ZNFX1: variants seen among roughly 807,000 people sequenced by gnomAD.
The protein encoded by ZNFX1 is zinc finger NFX1-type containing 1, also known as NFX1-type zinc finger-containing protein 1.
In ZNFX1, 78 loss-of-function variants were observed where a neutral mutation model predicts 179.8. The ratio of observed to expected loss-of-function variants is 0.43; its 90% CI spans 0.36 to 0.52. The LOEUF is 0.52. Among genes scored for constraint, ZNFX1 ranks in the 20% least tolerant of loss-of-function variants. The pLI, the probability that ZNFX1 is intolerant of heterozygous loss-of-function variation, is 0.00. For missense variants in ZNFX1, 1,927 were observed against 2,386.6 expected (o/e 0.81, Z 4.01); for synonymous variants, 848 against 868.5 (o/e 0.98, Z 0.42).
intron 6 of ZNFX1, among the ~76,000 whole-genome samples, chr20:49,262,934 A>G (rs1346792251): frequency 6.6e-6 from 1 of 152,230 alleles, no homozygotes; most frequent in Non-Finnish European, 1.5e-5. Flanking sequence ...TACTAAATTA[A>G]TAAGTTTACA....
intron 2 of ZNFX1, 80 bp downstream of exon 2, chr20:49,275,699 G>T: frequency 7.5e-7 from 1 of 1,326,074 alleles, no homozygotes; most frequent in Non-Finnish European, 1.1e-6. Flanking sequence ...TCTTAGGTAG[G>T]CCTGCTCATT....
At chr20:49,260,693 G>A (rs1006620775) in intron 6 of ZNFX1, 116 bp from the exon 7 acceptor site, 6 of 700,788 alleles carry the variant, frequency 8.6e-6, no homozygotes, top group Non-Finnish European at 9.1e-6. Context: ...TGTAATCCCA[G>A]CAATTTGGAA....
chr20:49,265,804 A>G (rs1295912165), intron 4 of ZNFX1, among the ~76,000 whole-genome samples: 2 of 152,216 alleles, frequency 1.3e-5, no homozygotes, highest in Admixed American at 6.5e-5. Context: ...GGACCAGAAG[A>G]ATGAGTAGGG....
At position 49,270,789 on chromosome 20, in the gene ZNFX1, G is replaced by C; in HGVS notation, c.1023C>G (p.Thr341=). Residue 341 remains threonine (T), a synonymous_variant, in exon 3 of 14, where the codon ACC becomes ACG. Coordinates refer to ENST00000396105, the MANE Select transcript of ZNFX1 (RefSeq NM_021035.3). The surrounding 1 kb of genome is among the most constrained non-coding windows in gnomAD (Gnocchi z 4.6). ...TCTCATCCAAGTGCACTTCATTGTA[G>C]GTAGGGTAAATGGGCATGGTTCGGT... ...ESYRTMPIYP[T]YNEVHLDERP... is the part of the protein sequence containing the mutation. 11 of 1,614,178 alleles carry C rather than the reference G, an allele frequency of 6.8e-6. No homozygotes were observed. The highest frequency in any genetic ancestry group is 9.3e-6 in the Non-Finnish European group (11 of 1,180,040).
In ZNFX1 at chr20:49,247,398, T is replaced by C; in HGVS notation, c.5626A>G (p.Ile1876Val). 6.2e-7 allele frequency: 1 copy of C among 1,614,180 alleles called. No homozygotes were observed. Among genetic ancestry groups the C allele is most frequent in the East Asian group, 2.2e-5 (1 of 44,870 alleles). Residue 1876 changes from isoleucine (I) to valine (V), a missense_variant, in exon 14 of 14, where the codon ATT becomes GTT. By Grantham distance (29) the Ile-to-Val change is conservative (BLOSUM62 3). Transcript: ENST00000396105. ...RGTCPDCKEVIGGTNHTLERS... is the reference protein window; with the variant it reads ...RGTCPDCKEVVGGTNHTLERS... Reference sequence around the variant, plus strand: ...TCCAGAGTATGATTTGTGCCACCAATCACTTCCTTACAGTCAGGACACGTG... The same window carrying C: ...TCCAGAGTATGATTTGTGCCACCAACCACTTCCTTACAGTCAGGACACGTG...
chr20:49,275,460 C>T (rs1008261362), intron 2 of ZNFX1, among the ~76,000 whole-genome samples: 1 of 152,164 alleles, frequency 6.6e-6, no homozygotes, highest in African/African-American at 2.4e-5. Flanking sequence ...GATCCTCCCA[C>T]TTCAGCCTCC....
rs749509621 is a variant in ZNFX1, at chr20:49,248,557, G to T, written c.4467C>A (p.Thr1489=). Residue 1489 remains threonine (T), a synonymous_variant, in exon 14 of 14, where the codon ACC becomes ACA. Coordinates refer to ENST00000396105, the MANE Select transcript of ZNFX1 (RefSeq NM_021035.3). The surrounding 1 kb of genome is among the most constrained non-coding windows in gnomAD (Gnocchi z 4.6). ...GGCTGTGGACACAGCGGTTCTGACA[G>T]GTCCGCTGGCAGGGTGGGCACTCAC... ...CIGECPPCQR[T]CQNRCVHSQC... 1 of 1,614,220 alleles carries T rather than the reference G, an allele frequency of 6.2e-7. No individual in the cohort carries two copies. Among genetic ancestry groups the T allele is most frequent in the African/African-American group, 1.3e-5 (1 of 75,056 alleles).
rs770443861 is a variant in ZNFX1 at position 49,270,911 on chromosome 20, T to C, written c.901A>G (p.Ile301Val). The C allele has an allele frequency of 3.4e-5, 55 of 1,614,058 alleles. No homozygotes were observed. The highest frequency in any genetic ancestry group is 5.3e-5 in the African/African-American group (4 of 74,926). The change falls in exon 3 of 14, where the codon ATC becomes GTC. Residue 301 changes from isoleucine to valine, a missense_variant. Coordinates refer to ENST00000396105, the MANE Select transcript of ZNFX1 (RefSeq NM_021035.3). This position sits in a 1 kb window ranked among gnomAD's most constrained non-coding sequence, Gnocchi z 4.6. ...TEKNLEKVQTIIEHLQEKRRE... is the reference protein window; with the variant it reads ...TEKNLEKVQTVIEHLQEKRRE... ...CTCTTTTCCTGCAGATGTTCAATGA[T>C]AGTCTGTACCTTTTCCAGGTTCTTC...
At chr20:49,275,562 G>T (rs1981535948) in intron 2 of ZNFX1, among the ~76,000 whole-genome samples, 2 of 152,008 alleles carry the variant, frequency 1.3e-5, no homozygotes, top group Admixed American at 6.6e-5. Flanking sequence ...TTGCCATGTT[G>T]CCCAGGCTGG....
At chr20:49,254,442 G>A (rs1449573679) in intron 10 of ZNFX1, 53 bp downstream of exon 10, 8 of 1,597,818 alleles carry the variant, frequency 5.0e-6, no homozygotes, top group African/African-American at 1.3e-5. Flanking sequence ...TAGATAATCT[G>A]GCACCAGAAG....
intron 7 of ZNFX1, among the ~76,000 whole-genome samples, chr20:49,258,879 A>G (rs1348946189): frequency 2.0e-5 from 3 of 151,172 alleles, no homozygotes; most frequent in Non-Finnish European, 3.0e-5. Flanking sequence ...CGAGGTGGGC[A>G]GATCACCTGA....
At chr20:49,264,600 C>T (rs1001026826) in intron 5 of ZNFX1, 116 bp downstream of exon 5, 2 of 1,295,038 alleles carry the variant, frequency 1.5e-6, no homozygotes, top group South Asian at 2.9e-5. Context: ...GAACCTGGGT[C>T]CTCCAGAGCT....
intron 3 of ZNFX1, among the ~76,000 whole-genome samples, chr20:49,267,402 G>A (rs1330396100): frequency 2.0e-5 from 3 of 151,458 alleles, no homozygotes; most frequent in African/African-American, 7.3e-5. Flanking sequence ...TGTTTTCAAG[G>A]GATCCTCCCA....
At chr20:49,264,404 A>AT (rs1205911485) in intron 5 of ZNFX1, among the ~76,000 whole-genome samples, 17 of 152,218 alleles carry the variant, frequency 1.1e-4, no homozygotes, top group African/African-American at 3.9e-4. Context: ...GACTGGGCAC[A>AT]TTGCTGCCCA....
At chr20:49,262,325 G>T (rs1213753436) in intron 6 of ZNFX1, among the ~76,000 whole-genome samples, 1 of 150,268 alleles carries the variant, frequency 6.7e-6, no homozygotes, top group East Asian at 2.0e-4. Context: ...AGAATCGCTT[G>T]AACCCGGGAG....
At position 49,248,022 on chromosome 20, in the gene ZNFX1, G is replaced by A. The variant is rs746010819; in HGVS notation, c.5002C>T (p.Leu1668=). Residue 1668 remains leucine, a synonymous_variant, in exon 14 of 14, where the codon CTG becomes TTG. Coordinates refer to ENST00000396105, the MANE Select transcript of ZNFX1 (RefSeq NM_021035.3). This position sits in a 1 kb window ranked among gnomAD's most constrained non-coding sequence, Gnocchi z 4.6. ...TGGTGGAGGAGGCTCTTCCTCTCCA[G>A]CAGGGCCTTAAGCCGTTCCTGGCTG... ...ATSQERLKAL[L]ERKSLLHQLL... is the part of the protein sequence containing the mutation. The A allele has an allele frequency of 9.3e-6, 15 of 1,614,062 alleles. No individual in the cohort carries two copies. Among genetic ancestry groups the A allele is most frequent in the Non-Finnish European group, 5.9e-6 (7 of 1,180,048 alleles).
At chr20:49,273,158 A>G (rs541687790) in intron 2 of ZNFX1, among the ~76,000 whole-genome samples, 1 of 152,116 alleles carries the variant, frequency 6.6e-6, no homozygotes, top group South Asian at 2.1e-4. Flanking sequence ...TTTGAGAGGG[A>G]GTCTGGCTCT....
intron 5 of ZNFX1, among the ~76,000 whole-genome samples, chr20:49,264,034 C>T (rs1239855313): frequency 2.6e-5 from 4 of 152,288 alleles, no homozygotes; most frequent in African/African-American, 9.6e-5. Flanking sequence ...CCAGCCTGGC[C>T]AACATGGTGA....
chr20:49,247,995 G>A lies in ZNFX1; in HGVS notation c.5029C>T (p.Leu1677=), dbSNP rs1980723371. 5.6e-6 allele frequency: 9 copies of A among 1,614,170 alleles called. No individual in the cohort carries two copies. The highest frequency in any genetic ancestry group is 1.3e-5 in the African/African-American group (1 of 75,044). Residue 1677 remains leucine, a synonymous_variant, in exon 14 of 14, where the codon CTG becomes TTG. Coordinates refer to ENST00000396105, the MANE Select transcript of ZNFX1 (RefSeq NM_021035.3). The part of the protein sequence containing the change: ...LLERKSLLHQ[L]LPEDFLMLKE... Reference sequence around the variant, plus strand: ...AACATCAGGAAGTCTTCAGGAAGCAGCTGGTGGAGGAGGCTCTTCCTCTCC... The same window carrying A: ...AACATCAGGAAGTCTTCAGGAAGCAACTGGTGGAGGAGGCTCTTCCTCTCC...
Sources: allele counts gnomAD v4.1 joint callset (sites outside exome capture counted in the v4.1 genomes callset), GRCh38; gene constraint gnomAD v4.1.1; non-coding constraint Gnocchi (gnomAD v3.1); transcripts MANE v1.5; gene names NCBI Gene and HGNC (gene_info 2026-07-23, HGNC 2026-07-21).